The following NR6A1 variants were observed in gnomAD, a reference collection of about 807,000 sequenced individuals.
The protein encoded by NR6A1 is retinoic acid receptor-related testis-associated receptor.
Under a neutral mutation model 59.1 loss-of-function variants are expected in NR6A1, and 7 were observed. The observed-to-expected ratio is 0.12, with a 90% confidence interval of 0.07 to 0.22. The LOEUF (loss-of-function observed/expected upper bound fraction) is 0.22. Among genes scored for constraint, NR6A1 ranks in the 10% least tolerant of loss-of-function variants. The pLI, the probability that NR6A1 is intolerant of heterozygous loss-of-function variation, is 1.00. For missense variants in NR6A1, 468 were observed against 611.6 expected (o/e 0.77, Z 2.48); for synonymous variants, 243 against 236.1 (o/e 1.03, Z -0.27).
intron 3 of NR6A1, among the ~76,000 whole-genome samples, chr9:124,553,528 T>C (rs1174651349): frequency 7.0e-6 from 1 of 143,494 alleles, no homozygotes; most frequent in Non-Finnish European, 1.5e-5. Flanking sequence ...TATAGAGAAA[T>C]CACCCTGCTT....
chr9:124,591,277 G>A (rs1407056769), intron 2 of NR6A1, among the ~76,000 whole-genome samples: 2 of 152,158 alleles, frequency 1.3e-5, no homozygotes, highest in African/African-American at 4.8e-5. Flanking sequence ...GGGCACTCTT[G>A]ACAGTTTTCT....
intron 2 of NR6A1, among the ~76,000 whole-genome samples, chr9:124,594,637 G>A (rs1385484121): frequency 7.2e-5 from 11 of 152,150 alleles, no homozygotes; most frequent in African/African-American, 2.7e-4. Context: ...ATATATAACT[G>A]GTATTTTCTA....
At chr9:124,734,046 G>A (rs894153357) in intron 1 of NR6A1, among the ~76,000 whole-genome samples, 1 of 152,130 alleles carries the variant, frequency 6.6e-6, no homozygotes, top group Non-Finnish European at 1.5e-5. Context: ...TCTATACATC[G>A]TTGATGAAAG....
At chr9:124,580,552 G>A (rs1273084810) in intron 2 of NR6A1, among the ~76,000 whole-genome samples, 1 of 152,186 alleles carries the variant, frequency 6.6e-6, no homozygotes, top group African/African-American at 2.4e-5. Context: ...AGGCGTGGTG[G>A]TTCACACCTG....
chr9:124,691,891 CAT>C (rs1361006411), intron 2 of NR6A1, among the ~76,000 whole-genome samples: 2 of 152,146 alleles, frequency 1.3e-5, no homozygotes, highest in African/African-American at 4.8e-5. Context: ...AAGAAATTTA[CAT>C]GTTTGACTTT....
At chr9:124,622,400 C>G (rs530096946) in intron 2 of NR6A1, among the ~76,000 whole-genome samples, 1 of 152,070 alleles carries the variant, frequency 6.6e-6, no homozygotes, top group East Asian at 1.9e-4. Flanking sequence ...AGGTTCAGAC[C>G]GGCAAAACAG....
chr9:124,613,241 G>A (rs1475414508), intron 2 of NR6A1, among the ~76,000 whole-genome samples: 1 of 152,048 alleles, frequency 6.6e-6, no homozygotes, highest in East Asian at 1.9e-4. Context: ...GAGCTGACAC[G>A]GAAGGACCAA....
chr9:124,589,568 G>GT (rs1284767277), intron 2 of NR6A1, among the ~76,000 whole-genome samples: 2 of 152,216 alleles, frequency 1.3e-5, no homozygotes, highest in Non-Finnish European at 2.9e-5. Flanking sequence ...CCACCTACTG[G>GT]TTGCCAAGCC....
intron 2 of NR6A1, among the ~76,000 whole-genome samples, chr9:124,617,599 C>T (rs1835937233): frequency 6.6e-6 from 1 of 152,106 alleles, no homozygotes; most frequent in Non-Finnish European, 1.5e-5. Flanking sequence ...TGAGTGGCTC[C>T]CTACAGCTTT....
intron 2 of NR6A1, chr9:124,599,358 G>T: frequency 2.8e-6 from 1 of 359,858 alleles, no homozygotes; most frequent in Admixed American, 4.0e-5. Flanking sequence ...GGCGGAGGTT[G>T]CAGTGAGCCG....
At chr9:124,618,562 C>G (rs1345169866) in intron 2 of NR6A1, among the ~76,000 whole-genome samples, 3 of 152,096 alleles carry the variant, frequency 2.0e-5, no homozygotes, top group Non-Finnish European at 1.5e-5. Flanking sequence ...TCAAAGAAAA[C>G]AGAAATCACT....
chr9:124,680,885 A>C (rs1838132106), intron 2 of NR6A1, among the ~76,000 whole-genome samples: 1 of 152,342 alleles, frequency 6.6e-6, no homozygotes, highest in Admixed American at 6.5e-5. Context: ...TACAAAGTCA[A>C]TGCTGGGTTA....
intron 2 of NR6A1, among the ~76,000 whole-genome samples, chr9:124,634,949 T>A (rs1836558659): frequency 6.6e-6 from 1 of 152,180 alleles, no homozygotes; most frequent in Admixed American, 6.5e-5. Context: ...TATCAAAATC[T>A]CACACCAGAG....
intron 1 of NR6A1, 90 bp downstream of exon 1, chr9:124,770,930 G>A (rs1841134595): frequency 1.3e-6 from 1 of 754,710 alleles, no homozygotes; most frequent in Non-Finnish European, 1.8e-6. Context: ...GCTTCCCAGG[G>A]CGAGGGTCGG....
At chr9:124,667,260 T>C (rs1837652828) in intron 2 of NR6A1, among the ~76,000 whole-genome samples, 1 of 152,014 alleles carries the variant, frequency 6.6e-6, no homozygotes, top group African/African-American at 2.4e-5. Context: ...CTTGAACTCC[T>C]GACCTCATGA....
At chr9:124,688,292 C>T (rs10818985) in intron 2 of NR6A1, among the ~76,000 whole-genome samples, 93,695 of 151,738 alleles carry the variant, frequency 0.62, 30,478 homozygotes, top group African/African-American at 0.83. Context: ...ACCACTGCAC[C>T]TCAGCCTGGG....
At chr9:124,632,560 A>G (rs1265885579) in intron 2 of NR6A1, among the ~76,000 whole-genome samples, 2 of 152,204 alleles carry the variant, frequency 1.3e-5, no homozygotes, top group Non-Finnish European at 2.9e-5. Flanking sequence ...GCTGGATATT[A>G]GACCTTTGTC....
At chr9:124,734,664 G>C (rs938348448) in intron 1 of NR6A1, among the ~76,000 whole-genome samples, 3 of 151,974 alleles carry the variant, frequency 2.0e-5, no homozygotes, top group African/African-American at 7.2e-5. Flanking sequence ...TTGCACTCCA[G>C]CCTGGGCAAC....
At chr9:124,712,758 CAT>C (rs1442086407) in intron 2 of NR6A1, among the ~76,000 whole-genome samples, 4 of 152,264 alleles carry the variant, frequency 2.6e-5, no homozygotes, top group African/African-American at 9.6e-5. Flanking sequence ...TCACTGACCA[CAT>C]GAGGTCTATT....
Sources: gnomAD v4.1 joint callset for allele counts (sites outside exome capture counted in the v4.1 genomes callset) on GRCh38, gnomAD v4.1.1 for gene constraint, MANE v1.5 for transcripts, NCBI Gene and HGNC (gene_info 2026-07-23, HGNC 2026-07-21) for gene names.